Variants in TFEC observed in about 807,000 individuals in gnomAD.
The protein encoded by TFEC is class E basic helix-loop-helix protein 34.
A neutral mutation model predicts 41.6 loss-of-function variants in TFEC; 31 were observed. The ratio of observed to expected loss-of-function variants is 0.74; its 90% confidence interval spans 0.56 to 1.01. TFEC has a LOEUF of 1.01. Among genes scored for constraint, TFEC ranks in the 50% least tolerant of loss-of-function variants. The pLI, the probability that TFEC is intolerant of heterozygous loss-of-function variation, is 0.00. For synonymous variants in TFEC, 143 were observed against 140.6 expected (o/e 1.02, Z -0.12); for missense variants, 402 against 404.1 (o/e 0.99, Z 0.04).
chr7:116,058,191 A>C (rs1480665910), intron 3 of TFEC, among the ~76,000 whole-genome samples: 1 of 151,816 alleles, frequency 6.6e-6, no homozygotes, highest in Non-Finnish European at 1.5e-5. Context: ...ATGATGCAAA[A>C]ATTATACCAC....
rs986070265 is a variant in TFEC at position 116,072,765 on chromosome 7, C to A, written c.198+37943G>T. On this transcript the variant is annotated intron_variant, in intron 3 of 8. Coordinates refer to the TFEC transcript ENST00000484212. Reference sequence around the variant, plus strand: ...AAAGCATCTGACAAAATATAGCACACTCTTATGAAAAGAAGTATTCAAGAA... The same window carrying A: ...AAAGCATCTGACAAAATATAGCACAATCTTATGAAAAGAAGTATTCAAGAA... Among the ~76,000 whole-genome samples, 4 of 151,524 alleles carry A rather than the reference C, an allele frequency of 2.6e-5. No individual in the cohort carries two copies. The East Asian group carries it at 7.7e-4, about 29-fold the overall frequency.
chr7:116,143,296 C>G (rs538393858), intron 1 of TFEC, among the ~76,000 whole-genome samples: 43 of 152,278 alleles, frequency 2.8e-4, no homozygotes, highest in Admixed American at 1.1e-3. Context: ...ACTATTCACA[C>G]AAGAGAAAAT....
intron 1 of TFEC, among the ~76,000 whole-genome samples, chr7:116,120,894 T>C (rs963942349): frequency 6.6e-6 from 1 of 151,938 alleles, no homozygotes; most frequent in African/African-American, 2.4e-5. Context: ...TCCAGTCCAA[T>C]GCATCATGTG....
At chr7:116,154,918 G>A (rs968831399) in intron 1 of TFEC, among the ~76,000 whole-genome samples, 2 of 152,134 alleles carry the variant, frequency 1.3e-5, no homozygotes, top group Non-Finnish European at 2.9e-5. Flanking sequence ...CTTTCACAGG[G>A]GTCTCAGCCT....
intron 3 of TFEC, among the ~76,000 whole-genome samples, chr7:116,046,874 C>T (rs1163207761): frequency 1.3e-5 from 2 of 152,202 alleles, no homozygotes; most frequent in Non-Finnish European, 2.9e-5. Context: ...CCCATATTCT[C>T]TCACCAGAGA....
intron 1 of TFEC, among the ~76,000 whole-genome samples, chr7:116,136,699 A>T (rs1798439436): frequency 6.6e-6 from 1 of 151,940 alleles, no homozygotes; most frequent in African/African-American, 2.4e-5. Context: ...ACTGTCCTAA[A>T]TAAAAATGCA....
intron 3 of TFEC, among the ~76,000 whole-genome samples, chr7:116,056,424 TATTATCACACATACATGTGAGGA>T (rs1796432543): frequency 1.3e-5 from 2 of 152,108 alleles, no homozygotes; most frequent in Non-Finnish European, 2.9e-5. Flanking sequence ...TTCACTAAAT[TATTATCACACATACATGTGAGGA>T]AAATACTGAA....
chr7:116,033,914 C>T (rs1042621896), upstream of TFEC, among the ~76,000 whole-genome samples: 2 of 152,084 alleles, frequency 1.3e-5, no homozygotes, highest in African/African-American at 4.8e-5. Flanking sequence ...TCCTCTTTTC[C>T]CATTCTTTCT....
chr7:116,142,596 A>G (rs1798563673), intron 1 of TFEC, among the ~76,000 whole-genome samples: 1 of 152,204 alleles, frequency 6.6e-6, no homozygotes, highest in South Asian at 2.1e-4. Flanking sequence ...AAATTGCCAC[A>G]GGTTAACTTG....
rs116562775 is a variant in TFEC at position 115,943,206 on chromosome 7, G to A, written c.516-1166C>T. Reference sequence around the variant, plus strand: ...TTCTTTAAGGCTATAATGGCTGTTGGTCTCATTCCACTCACAGGGGGTGAG... The same window carrying A: ...TTCTTTAAGGCTATAATGGCTGTTGATCTCATTCCACTCACAGGGGGTGAG... On this transcript the variant is annotated intron_variant, in intron 6 of 7. Coordinates refer to ENST00000265440, the MANE Select transcript of TFEC (RefSeq NM_012252.4). Among the ~76,000 whole-genome samples the A allele has an allele frequency of 7.2e-3, 1,098 of 152,012 alleles. 22 individuals are homozygous for A. The highest frequency in any genetic ancestry group is 0.025 in the African/African-American group (1,053 of 41,512).
intron 5 of TFEC, among the ~76,000 whole-genome samples, chr7:115,953,018 A>T (rs1460639749): frequency 2.0e-5 from 3 of 152,088 alleles, no homozygotes; most frequent in Non-Finnish European, 2.9e-5. Flanking sequence ...CTGAAGACAG[A>T]ACATGACACC....
Position 115,938,291 on chromosome 7 carries a change from T to C in TFEC, c.*2260A>G, listed in dbSNP as rs1793327003. On this transcript the variant is annotated 3_prime_UTR_variant, in exon 8 of 8. Transcript: ENST00000265440. ...AGAACTGAAGCCAGTCTCTATCTAA[T>C]AAAGTGGTGTGTTTTCTATGAACTC... 1 of 151,982 alleles carries C rather than the reference T, an allele frequency of 6.6e-6. No individual in the cohort carries two copies. Among genetic ancestry groups the C allele is most frequent in the Non-Finnish European group, 1.5e-5 (1 of 67,902 alleles). The allele number at this position is 151,982 out of a possible 1,614,324, so 9.4% of individuals were successfully genotyped here.
At position 115,974,451 on chromosome 7, in the gene TFEC, A is replaced by ATATATATATATAT. The variant is rs869072558; in HGVS notation, c.181-196_181-195insATATATATATATA. Among the ~76,000 whole-genome samples, 244 of 26,178 alleles carry ATATATATATATAT rather than the reference A, an allele frequency of 9.3e-3. 4 individuals carry two copies. The highest frequency in any genetic ancestry group is 0.013 in the Non-Finnish European group (186 of 14,198). The allele number at this position is 26,178 out of a possible 152,430, so 17.2% of individuals were successfully genotyped here. A position where few individuals can be genotyped will look rare whatever the true frequency, so the allele number is the denominator to read the frequency against. On this transcript the variant is annotated intron_variant, in intron 2 of 7. Coordinates refer to ENST00000265440, the MANE Select transcript of TFEC (RefSeq NM_012252.4). Reference sequence around the variant, plus strand: ...ATATATATATATATATATATATATAAAAACACAGATTACTTTAGCATTGAA... The same window carrying ATATATATATATAT: ...ATATATATATATATATATATATATAATATATATATATATAAACACAGATTACTTTAGCATTGAA...
At chr7:116,089,813 C>T (rs148367835) in intron 3 of TFEC, among the ~76,000 whole-genome samples, 1 of 152,180 alleles carries the variant, frequency 6.6e-6, no homozygotes, top group East Asian at 1.9e-4. Flanking sequence ...GGGAAGGATG[C>T]ACATGAATAA....
At chr7:116,153,433 T>C (rs1798803607) in intron 1 of TFEC, among the ~76,000 whole-genome samples, 1 of 152,156 alleles carries the variant, frequency 6.6e-6, no homozygotes, top group Admixed American at 6.5e-5. Flanking sequence ...TTTTGTATTT[T>C]TAGTAGAGAC....
At chr7:116,088,157 C>T (rs1797242308) in intron 3 of TFEC, among the ~76,000 whole-genome samples, 1 of 152,084 alleles carries the variant, frequency 6.6e-6, no homozygotes, top group Non-Finnish European at 1.5e-5. Context: ...TTTTCTCATT[C>T]ATCAGCCTAG....
At chr7:116,141,086 C>T (rs1370516843) in intron 1 of TFEC, among the ~76,000 whole-genome samples, 1 of 151,994 alleles carries the variant, frequency 6.6e-6, no homozygotes, top group African/African-American at 2.4e-5. Context: ...CAGATGCATA[C>T]CTATTAAAAT....
intron 2 of TFEC, among the ~76,000 whole-genome samples, chr7:115,978,955 T>C (rs1477654283): frequency 6.6e-6 from 1 of 152,190 alleles, no homozygotes. Flanking sequence ...TCATTCAAGA[T>C]TTCAAAGACC....
intron 3 of TFEC, among the ~76,000 whole-genome samples, chr7:116,098,825 A>C (rs1042523590): frequency 6.6e-6 from 1 of 151,814 alleles, no homozygotes; most frequent in Non-Finnish European, 1.5e-5. Flanking sequence ...CCAGACAAAA[A>C]CAAAAGCAAG....
Sources: allele counts gnomAD v4.1 joint callset (sites outside exome capture counted in the v4.1 genomes callset), GRCh38; gene constraint gnomAD v4.1.1; transcripts MANE v1.5; gene names NCBI Gene and HGNC (gene_info 2026-07-23, HGNC 2026-07-21).